USH2A: variants seen among roughly 807,000 people sequenced by gnomAD.
The protein encoded by USH2A is Usher syndrome 2A (autosomal recessive, mild).
A neutral mutation model predicts 538.9 loss-of-function variants in USH2A; 443 were observed. The ratio of observed to expected loss-of-function variants is 0.82; its 90% confidence interval spans 0.76 to 0.89. The LOEUF (loss-of-function observed/expected upper bound fraction) is 0.89. Among genes scored for constraint, USH2A ranks in the 40% least tolerant of loss-of-function variants. USH2A has a pLI of 0.00. For synonymous variants in USH2A, 2,413 were observed against 2,273.5 expected (o/e 1.06, Z -1.75); for missense variants, 6,633 against 6,324.8 (o/e 1.05, Z -1.65).
chr1:216,382,185 T>G (rs2038933357), intron 3 of USH2A, among the ~76,000 whole-genome samples: 1 of 152,052 alleles, frequency 6.6e-6, no homozygotes, highest in Non-Finnish European at 1.5e-5. Context: ...AGTTCTGGAG[T>G]CTAGTGATGG....
chr1:215,986,447 A>G (rs1414207624), intron 35 of USH2A, among the ~76,000 whole-genome samples: 1 of 151,460 alleles, frequency 6.6e-6, no homozygotes, highest in Non-Finnish European at 1.5e-5. Flanking sequence ...ACGCCCAGCC[A>G]CATGCTTCTC....
chr1:216,325,579 GAGA>G lies in USH2A; in HGVS notation c.866_868del (p.Phe289del). 1 of 1,613,258 alleles carries G rather than the reference GAGA, an allele frequency of 6.2e-7. No homozygotes were observed. The highest frequency in any genetic ancestry group is 8.5e-7 in the Non-Finnish European group (1 of 1,179,592). On this transcript the variant is annotated inframe_deletion, in exon 6 of 72. Coordinates refer to ENST00000307340, the MANE Select transcript of USH2A (RefSeq NM_206933.4). Reference sequence around the variant, plus strand: ...GGCATGCAATCTGAGAAGATCTCCAGAGAAGACTTCCAGAATCTCTCTGTGGGA... The same window carrying G: ...GGCATGCAATCTGAGAAGATCTCCAGAGACTTCCAGAATCTCTCTGTGGGA...
intron 32 of USH2A, among the ~76,000 whole-genome samples, 175 bp from the exon 33 acceptor site, chr1:216,000,737 AC>A (rs1668250090): frequency 6.6e-6 from 1 of 152,158 alleles, no homozygotes; most frequent in Non-Finnish European, 1.5e-5. Context: ...CCTTAAATAT[AC>A]TTTGGTTATG....
intron 61 of USH2A, among the ~76,000 whole-genome samples, chr1:215,727,763 G>T (rs1423388627): frequency 6.6e-6 from 1 of 152,006 alleles, no homozygotes; most frequent in Non-Finnish European, 1.5e-5. Flanking sequence ...ATGGAAAATG[G>T]AAATCAGGCA....
chr1:216,234,812 G>T (rs696719), intron 13 of USH2A, among the ~76,000 whole-genome samples: 1 of 151,958 alleles, frequency 6.6e-6, no homozygotes, highest in South Asian at 2.1e-4. Flanking sequence ...TGGTGCAGAA[G>T]TTGGGTAGTC....
chr1:215,697,705 G>T (rs962361785), intron 61 of USH2A, among the ~76,000 whole-genome samples: 2 of 152,076 alleles, frequency 1.3e-5, no homozygotes, highest in Non-Finnish European at 2.9e-5. Context: ...ATTTTTAGTA[G>T]AGATGGCGTT....
At chr1:216,187,232 C>A (rs1271586310) in intron 20 of USH2A, among the ~76,000 whole-genome samples, 1 of 151,884 alleles carries the variant, frequency 6.6e-6, no homozygotes, top group Non-Finnish European at 1.5e-5. Flanking sequence ...TTTCTCACAG[C>A]CCTTAGCACA....
At chr1:215,813,467 T>C (rs945453651) in intron 49 of USH2A, among the ~76,000 whole-genome samples, 7 of 152,194 alleles carry the variant, frequency 4.6e-5, no homozygotes, top group African/African-American at 1.7e-4. Flanking sequence ...AGCCACAAGA[T>C]AAAAGGAGTT....
At position 215,625,512 on chromosome 1, in the gene USH2A, G is replaced by T; in HGVS notation, c.*269C>A. 2.1e-6 allele frequency: 1 copy of T among 484,664 alleles called. No individual in the cohort carries two copies. Among genetic ancestry groups the T allele is most frequent in the Non-Finnish European group, 3.8e-6 (1 of 266,652 alleles). The allele number at this position is 484,664 out of a possible 1,614,324, so 30.0% of individuals were successfully genotyped here. A position where few individuals can be genotyped will look rare whatever the true frequency, so the allele number is the denominator to read the frequency against. On this transcript the variant is annotated 3_prime_UTR_variant, in exon 72 of 72. Coordinates refer to ENST00000307340, the MANE Select transcript of USH2A (RefSeq NM_206933.4). Reference sequence around the variant, plus strand: ...GAGCATCACTGCCAAACAGAACCAAGTGACAATTACATACTTCTTTGTCTT... The same window carrying T: ...GAGCATCACTGCCAAACAGAACCAATTGACAATTACATACTTCTTTGTCTT...
intron 60 of USH2A, among the ~76,000 whole-genome samples, chr1:215,737,801 A>G (rs575213166): frequency 6.6e-6 from 1 of 152,012 alleles, no homozygotes; most frequent in African/African-American, 2.4e-5. Flanking sequence ...AGTTAATTCA[A>G]TCAGCTTAAT....
chr1:216,132,195 C>A (rs1558275073), intron 21 of USH2A, among the ~76,000 whole-genome samples: 1 of 152,068 alleles, frequency 6.6e-6, no homozygotes, highest in Non-Finnish European at 1.5e-5. Flanking sequence ...TCTTTCTAAT[C>A]TCTTGACCTG....
intron 4 of USH2A, among the ~76,000 whole-genome samples, chr1:216,334,188 C>T (rs1301583194): frequency 6.6e-6 from 1 of 151,864 alleles, no homozygotes; most frequent in Non-Finnish European, 1.5e-5. Context: ...TCTCCATAGA[C>T]AATAACGGCA....
intron 21 of USH2A, among the ~76,000 whole-genome samples, chr1:216,146,676 T>C (rs2033712397): frequency 6.6e-6 from 1 of 152,054 alleles, no homozygotes; most frequent in East Asian, 1.9e-4. Context: ...TGACCTCTTA[T>C]CTCTGTGCCC....
chr1:215,900,376 A>G (rs1338603010), intron 39 of USH2A, among the ~76,000 whole-genome samples, 159 bp from the exon 40 acceptor site: 1 of 152,204 alleles, frequency 6.6e-6, no homozygotes. Flanking sequence ...ATAAGTAGCC[A>G]TTGGCTGAGT....
At chr1:216,403,428 T>A (rs929432246) in intron 3 of USH2A, among the ~76,000 whole-genome samples, 5 of 151,996 alleles carry the variant, frequency 3.3e-5, no homozygotes, top group Non-Finnish European at 5.9e-5. Flanking sequence ...AAAATTCTAG[T>A]CACTGCAGTA....
At position 216,070,900 on chromosome 1, in the gene USH2A, A is replaced by G. The variant is rs370377204; in HGVS notation, c.5858-608T>C. Among the ~76,000 whole-genome samples, 48 of 152,246 alleles carry G rather than the reference A, an allele frequency of 3.2e-4. 1 individual carries two copies. Among genetic ancestry groups the G allele is most frequent in the African/African-American group, 1.1e-3 (47 of 41,572 alleles). Reference sequence around the variant, plus strand: ...GGAGCTGGTGCCTTTGAGATTCTACAAAGTCATTTTCAAAGTCTTGTTCTG... The same window carrying G: ...GGAGCTGGTGCCTTTGAGATTCTACGAAGTCATTTTCAAAGTCTTGTTCTG... On this transcript the variant is annotated intron_variant, in intron 29 of 71. Coordinates refer to ENST00000307340, the MANE Select transcript of USH2A (RefSeq NM_206933.4).
chr1:215,901,230 T>A (rs945320348), intron 38 of USH2A: 4 of 380,112 alleles, frequency 1.1e-5, no homozygotes, highest in African/African-American at 4.2e-5. Context: ...TAAAGTACCT[T>A]TTTCATTTAA....
intron 11 of USH2A, among the ~76,000 whole-genome samples, chr1:216,258,653 C>A (rs79146212): frequency 6.6e-6 from 1 of 152,078 alleles, no homozygotes; most frequent in African/African-American, 2.4e-5. Context: ...AAGCAGTAAT[C>A]CGGGTCAATT....
chr1:216,053,688 G>A (rs148465732), intron 30 of USH2A, among the ~76,000 whole-genome samples: 2 of 152,108 alleles, frequency 1.3e-5, no homozygotes, highest in African/African-American at 2.4e-5. Flanking sequence ...ACACAGGAGC[G>A]TGGGTATCCG....
Sources: allele counts gnomAD v4.1 joint callset (sites outside exome capture counted in the v4.1 genomes callset), GRCh38; gene constraint gnomAD v4.1.1; transcripts MANE v1.5; gene names NCBI Gene and HGNC (gene_info 2026-07-23, HGNC 2026-07-21).